The following ABHD17B variants were observed in gnomAD, a reference collection of about 807,000 sequenced individuals.
ABHD17B encodes the protein abhydrolase domain containing 17B, depalmitoylase.
In ABHD17B, 9 loss-of-function variants were observed where a neutral mutation model predicts 26.2. That is an observed-to-expected ratio of 0.34 (90% CI 0.21 to 0.60). The LOEUF is 0.60. ABHD17B is among the 20% of genes least tolerant of loss of function. The pLI is 0.80. For missense variants in ABHD17B, 224 were observed against 352.1 expected (o/e 0.64, Z 2.91); for synonymous variants, 127 against 122.3 (o/e 1.04, Z -0.25).
chr9:71,896,923 G>A (rs1826975109), intron 1 of ABHD17B, among the ~76,000 whole-genome samples: 1 of 152,158 alleles, frequency 6.6e-6, no homozygotes, highest in African/African-American at 2.4e-5. Context: ...TAGCAGCCCT[G>A]GGGCTGATTA....
chr9:71,895,819 C>T (rs1826935928), intron 1 of ABHD17B, among the ~76,000 whole-genome samples: 1 of 152,080 alleles, frequency 6.6e-6, no homozygotes, highest in South Asian at 2.1e-4. Context: ...CTTAATGTGC[C>T]AACAGCTTGG....
At chr9:71,900,331 C>T (rs973684320) in intron 1 of ABHD17B, among the ~76,000 whole-genome samples, 2 of 152,170 alleles carry the variant, frequency 1.3e-5, no homozygotes, top group Admixed American at 6.5e-5. Flanking sequence ...AAGGTGATTT[C>T]CCGCTTAAAA....
chr9:71,882,949 G>C (rs1030016269), intron 1 of ABHD17B, among the ~76,000 whole-genome samples: 6 of 152,034 alleles, frequency 3.9e-5, no homozygotes, highest in Admixed American at 3.3e-4. Context: ...TTCAAGACCA[G>C]CATGACCAAC....
rs755653161 is a variant in ABHD17B, at chr9:71,866,767, T to C, written c.*20A>G. 3.7e-6 allele frequency: 6 copies of C among 1,613,086 alleles called. No homozygotes were observed. In the South Asian group the frequency reaches 4.4e-5, roughly 12 times the overall value. On this transcript the variant is annotated 3_prime_UTR_variant, in exon 4 of 4. Transcript: ENST00000333421. Reference sequence around the variant, plus strand: ...AGTTCAGCAAGAAAGGAAAACCCAGTAGCAAATTTACAGAATATTTTACAA... The same window carrying C: ...AGTTCAGCAAGAAAGGAAAACCCAGCAGCAAATTTACAGAATATTTTACAA...
intron 1 of ABHD17B, among the ~76,000 whole-genome samples, chr9:71,892,307 C>A (rs1031291740): frequency 6.6e-6 from 1 of 151,818 alleles, no homozygotes; most frequent in Non-Finnish European, 1.5e-5. Context: ...TCGAGGTGGG[C>A]GAATCACGAG....
chr9:71,889,655 C>G (rs1055946150), intron 1 of ABHD17B, among the ~76,000 whole-genome samples: 1 of 151,960 alleles, frequency 6.6e-6, no homozygotes, highest in Non-Finnish European at 1.5e-5. Flanking sequence ...TGTTATCTAG[C>G]GACATGGAAG....
intron 1 of ABHD17B, among the ~76,000 whole-genome samples, chr9:71,902,003 A>G (rs1042347178): frequency 6.6e-6 from 1 of 152,044 alleles, no homozygotes; most frequent in Non-Finnish European, 1.5e-5. Flanking sequence ...GCACTGTCCG[A>G]TTCATTTATT....
intron 1 of ABHD17B, among the ~76,000 whole-genome samples, chr9:71,908,013 C>T (rs1014966690): frequency 6.6e-6 from 1 of 152,188 alleles, no homozygotes; most frequent in Non-Finnish European, 1.5e-5. Flanking sequence ...GACCCAAGTT[C>T]AAGCCTCAAT....
intron 1 of ABHD17B, among the ~76,000 whole-genome samples, chr9:71,906,472 C>T (rs2132216379): frequency 6.6e-6 from 1 of 152,268 alleles, no homozygotes; most frequent in African/African-American, 2.4e-5. Context: ...AGCAGTGCTT[C>T]TTATATTTCA....
chr9:71,889,542 A>G (rs1826716942), intron 1 of ABHD17B, among the ~76,000 whole-genome samples: 1 of 152,104 alleles, frequency 6.6e-6, no homozygotes, highest in Admixed American at 6.6e-5. Context: ...TTACACAGGG[A>G]AGTTGGGGGA....
chr9:71,879,740 T>C (rs1161394449), intron 1 of ABHD17B, among the ~76,000 whole-genome samples: 19 of 152,176 alleles, frequency 1.2e-4, no homozygotes, highest in Admixed American at 1.2e-3. Context: ...ACTTACAAAG[T>C]GTCAGGCACT....
intron 1 of ABHD17B, among the ~76,000 whole-genome samples, chr9:71,897,491 G>C (rs1013599271): frequency 3.9e-5 from 6 of 152,182 alleles, no homozygotes; most frequent in Non-Finnish European, 5.9e-5. Context: ...AATCCAGCCT[G>C]GGCAACAGGG....
chr9:71,889,317 A>C (rs1205361155), intron 1 of ABHD17B, among the ~76,000 whole-genome samples: 1 of 22,714 alleles, frequency 4.4e-5, no homozygotes, highest in South Asian at 6.5e-3. Flanking sequence ...ACTCCGTCTA[A>C]AGAAAAAAAA....
downstream of ABHD17B, among the ~76,000 whole-genome samples, chr9:71,863,788 G>T (rs1053550660): frequency 6.6e-6 from 1 of 152,164 alleles, no homozygotes; most frequent in East Asian, 1.9e-4. Flanking sequence ...CATTGTACAT[G>T]CCTCTCAAAT....
At chr9:71,904,601 T>C (rs1325551539) in intron 1 of ABHD17B, among the ~76,000 whole-genome samples, 1 of 152,162 alleles carries the variant, frequency 6.6e-6, no homozygotes, top group Non-Finnish European at 1.5e-5. Context: ...CAGATGAGGA[T>C]CAATGATTAG....
chr9:71,864,816 G>A (rs1825910329), downstream of ABHD17B, among the ~76,000 whole-genome samples: 1 of 152,098 alleles, frequency 6.6e-6, no homozygotes, highest in Non-Finnish European at 1.5e-5. Flanking sequence ...TGAAATCTAT[G>A]AGGACACAGT....
intron 1 of ABHD17B, among the ~76,000 whole-genome samples, chr9:71,894,557 T>C (rs1267956555): frequency 1.3e-5 from 2 of 152,168 alleles, no homozygotes; most frequent in Non-Finnish European, 2.9e-5. Flanking sequence ...GCATTATTAC[T>C]AAAAAATTAA....
chr9:71,909,771 T>C (rs1358447163), intron 1 of ABHD17B, among the ~76,000 whole-genome samples: 1 of 152,202 alleles, frequency 6.6e-6, no homozygotes, highest in Non-Finnish European at 1.5e-5. Context: ...TTATTCATCC[T>C]TTTGCTTACC....
At chr9:71,904,573 T>A (rs1000652788) in intron 1 of ABHD17B, among the ~76,000 whole-genome samples, 2 of 152,142 alleles carry the variant, frequency 1.3e-5, no homozygotes, top group African/African-American at 4.8e-5. Flanking sequence ...TCAAGCAAAC[T>A]CCGAAATGTG....
Sources: allele counts gnomAD v4.1 joint callset (sites outside exome capture counted in the v4.1 genomes callset), GRCh38; gene constraint gnomAD v4.1.1; transcripts MANE v1.5; gene names NCBI Gene and HGNC (gene_info 2026-07-23, HGNC 2026-07-21).